The following DLG2 variants were observed in gnomAD, a reference collection of about 807,000 sequenced individuals.
The protein encoded by DLG2 is disks large homolog 2.
A neutral mutation model predicts 132.5 loss-of-function variants in DLG2; 45 were observed. That is an observed-to-expected ratio of 0.34 (90% CI 0.27 to 0.44). DLG2 has a LOEUF of 0.44. Among genes scored for constraint, DLG2 ranks in the 20% least tolerant of loss-of-function variants. DLG2 has a pLI of 1.00. For missense variants in DLG2, 1,045 were observed against 1,196.9 expected (o/e 0.87, Z 1.87); for synonymous variants, 424 against 419.6 (o/e 1.01, Z -0.13).
At chr11:84,282,110 T>C (rs923762228) in intron 7 of DLG2, among the ~76,000 whole-genome samples, 8 of 152,140 alleles carry the variant, frequency 5.3e-5, no homozygotes, top group African/African-American at 1.9e-4. Flanking sequence ...AAGCTTGAAA[T>C]AACATCAAAA....
intron 3 of DLG2, among the ~76,000 whole-genome samples, chr11:85,421,888 C>A (rs906965020): frequency 6.6e-6 from 1 of 152,088 alleles, no homozygotes; most frequent in Non-Finnish European, 1.5e-5. Context: ...TCGGTAGTGG[C>A]AAATTCTCTC....
intron 7 of DLG2, among the ~76,000 whole-genome samples, chr11:84,439,443 C>T (rs747118603): frequency 4.6e-5 from 7 of 152,022 alleles, no homozygotes; most frequent in Non-Finnish European, 8.8e-5. Flanking sequence ...CTTCTACCTC[C>T]TTTGACATGC....
chr11:84,714,565 TTCTC>T (rs1233550837), intron 6 of DLG2, among the ~76,000 whole-genome samples: 2 of 98,694 alleles, frequency 2.0e-5, no homozygotes, highest in African/African-American at 1.4e-4. Context: ...CTCTTTCTCT[TTCTC>T]TTTCTCTTTC....
chr11:84,832,856 C>G (rs371408492), intron 6 of DLG2, among the ~76,000 whole-genome samples: 5 of 151,600 alleles, frequency 3.3e-5, no homozygotes, highest in African/African-American at 1.2e-4. Flanking sequence ...GCATTTAACA[C>G]AAGTGATTAA....
intron 3 of DLG2, among the ~76,000 whole-genome samples, chr11:85,547,091 C>G (rs757700839): frequency 1.3e-5 from 2 of 152,132 alleles, no homozygotes; most frequent in Non-Finnish European, 2.9e-5. Flanking sequence ...GCAGTTTATT[C>G]ATAGCGTCGA....
At chr11:84,214,206 C>A (rs1050497270) in intron 8 of DLG2, among the ~76,000 whole-genome samples, 52 of 130,758 alleles carry the variant, frequency 4.0e-4, no homozygotes, top group African/African-American at 2.0e-3. Flanking sequence ...TATATATATA[C>A]ATATATATAT....
chr11:84,620,451 T>C (rs1361292532), intron 6 of DLG2, among the ~76,000 whole-genome samples: 2 of 151,860 alleles, frequency 1.3e-5, no homozygotes, highest in Non-Finnish European at 2.9e-5. Flanking sequence ...AATGAATAAC[T>C]TAATCTACAA....
intron 6 of DLG2, among the ~76,000 whole-genome samples, chr11:85,030,643 T>C (rs1187739111): frequency 1.3e-5 from 2 of 152,156 alleles, no homozygotes; most frequent in Non-Finnish European, 2.9e-5. Context: ...ATTAAAAAAA[T>C]TGGAAATCGC....
At chr11:84,819,205 A>G (rs2077414276) in intron 6 of DLG2, among the ~76,000 whole-genome samples, 1 of 151,898 alleles carries the variant, frequency 6.6e-6, no homozygotes. Context: ...AATAGAAAGT[A>G]TGTGGTATTT....
chr11:83,671,180 G>A (rs1015237012), intron 18 of DLG2, among the ~76,000 whole-genome samples: 6 of 152,148 alleles, frequency 3.9e-5, no homozygotes, highest in African/African-American at 1.2e-4. Flanking sequence ...GCCCTGCAAC[G>A]TGGTATTCTA....
chr11:85,343,389 A>G (rs2082626194), intron 3 of DLG2, among the ~76,000 whole-genome samples: 1 of 151,990 alleles, frequency 6.6e-6, no homozygotes, highest in South Asian at 2.1e-4. Flanking sequence ...CCCTCCCTAA[A>G]CTAGATGGTG....
intron 6 of DLG2, among the ~76,000 whole-genome samples, chr11:84,994,880 C>T (rs575656793): frequency 5.3e-5 from 8 of 152,262 alleles, no homozygotes; most frequent in Non-Finnish European, 8.8e-5. Context: ...CATGATATCA[C>T]TGGAGACATC....
chr11:84,799,153 G>A (rs1436646882), intron 6 of DLG2, among the ~76,000 whole-genome samples: 1 of 152,144 alleles, frequency 6.6e-6, no homozygotes, highest in Non-Finnish European at 1.5e-5. Context: ...TACAGTCCTT[G>A]TGTCCCAGAC....
chr11:84,631,019 C>G (rs2099631017), intron 6 of DLG2, among the ~76,000 whole-genome samples: 1 of 76,414 alleles, frequency 1.3e-5, no homozygotes, highest in African/African-American at 5.7e-5. Flanking sequence ...CTCTCTCTCT[C>G]ACACACACAC....
At chr11:84,786,302 A>C (rs970182339) in intron 6 of DLG2, among the ~76,000 whole-genome samples, 1 of 152,214 alleles carries the variant, frequency 6.6e-6, no homozygotes, top group Admixed American at 6.5e-5. Flanking sequence ...TTGAACACTC[A>C]TAAGAAGATA....
chr11:85,066,714 C>T (rs1426763822), intron 6 of DLG2, among the ~76,000 whole-genome samples: 8 of 151,270 alleles, frequency 5.3e-5, no homozygotes, highest in African/African-American at 1.2e-4. Flanking sequence ...CAACAGACAC[C>T]GAAAAAGCAT....
chr11:84,130,507 C>T (rs12801273), intron 9 of DLG2, among the ~76,000 whole-genome samples: 87,051 of 124,860 alleles, frequency 0.7, 27,279 homozygotes, highest in Middle Eastern at 0.8. Context: ...TATATATATA[C>T]ACACACACAC....
At chr11:85,578,636 A>G (rs967339179) in intron 3 of DLG2, among the ~76,000 whole-genome samples, 4 of 152,226 alleles carry the variant, frequency 2.6e-5, no homozygotes, top group Admixed American at 6.5e-5. Context: ...AAAAAGGCTC[A>G]ATGTCACTGA....
intron 3 of DLG2, among the ~76,000 whole-genome samples, chr11:85,383,952 A>G (rs2086113864): frequency 6.6e-6 from 1 of 152,178 alleles, no homozygotes; most frequent in East Asian, 1.9e-4. Context: ...TCTGAACTAT[A>G]CCTACTCGTC....
Sources: gnomAD v4.1 joint callset for allele counts (sites outside exome capture counted in the v4.1 genomes callset) on GRCh38, gnomAD v4.1.1 for gene constraint, MANE v1.5 for transcripts, NCBI Gene and HGNC (gene_info 2026-07-23, HGNC 2026-07-21) for gene names.